Variants in WNK1 observed in about 807,000 individuals in gnomAD.
The protein encoded by WNK1 is serine/threonine-protein kinase WNK1.
Under a neutral mutation model 222.8 loss-of-function variants are expected in WNK1, and 38 were observed. The observed-to-expected ratio is 0.17, with a 90% confidence interval of 0.13 to 0.22. The LOEUF (loss-of-function observed/expected upper bound fraction) is 0.22. WNK1 is among the 10% of genes least tolerant of loss of function. The pLI is 1.00. For missense variants in WNK1, 2,348 were observed against 2,918.4 expected (o/e 0.80, Z 4.50); for synonymous variants, 1,090 against 1,092.9 (o/e 1.00, Z 0.05).
chr12:854,993 C>T lies in WNK1; in HGVS notation c.1312-2168C>T, dbSNP rs187786729. 7.0e-3 allele frequency among the ~76,000 whole-genome samples: 1,068 copies of T among 152,288 alleles called. 9 individuals are homozygous for T. Among genetic ancestry groups the T allele is most frequent in the South Asian group, 0.034 (165 of 4,826 alleles). On this transcript the variant is annotated intron_variant, in intron 4 of 27. Transcript: ENST00000315939. ...TCTTTTGAATTTTCAATATACAGTT[C>T]GTTGAATCCACAGACGTGGAAACCA...
intron 1 of WNK1, among the ~76,000 whole-genome samples, chr12:807,645 C>T (rs186239929): frequency 1.1e-3 from 167 of 151,868 alleles, no homozygotes; most frequent in African/African-American, 3.8e-3. Flanking sequence ...TGTTTCTTCC[C>T]CATTTGCTGC....
Position 894,591 on chromosome 12 carries a change from GCAACTAGTT to G in WNK1, c.5542_5550del (p.Thr1848_Ser1850del), listed in dbSNP as rs544395150. 2.5e-3 allele frequency: 4,034 copies of G among 1,613,868 alleles called. 22 individuals carry two copies. Among genetic ancestry groups the G allele is most frequent in the South Asian group, 9.6e-3 (878 of 91,070 alleles). On this transcript the variant is annotated inframe_deletion, in exon 23 of 28. Coordinates refer to ENST00000315939, the MANE Select transcript of WNK1 (RefSeq NM_018979.4). ...TCAAGTCAAAGAAGGCCCTGTCCTA[GCAACTAGTT>G]CAGGAGCTGGTGTTTTTAAGATGGG...
chr12:901,050 T>A, intron 26 of WNK1: 5 of 340,094 alleles, frequency 1.5e-5, no homozygotes, highest in African/African-American at 2.1e-5. Context: ...TTGTTACTTT[T>A]AAGTATGGGA....
At chr12:766,720 G>A (rs1479623966) in intron 1 of WNK1, among the ~76,000 whole-genome samples, 6 of 151,470 alleles carry the variant, frequency 4.0e-5, no homozygotes, top group East Asian at 1.9e-4. Context: ...CTCATGATCC[G>A]CCTGCCTTGG....
intron 1 of WNK1, among the ~76,000 whole-genome samples, chr12:809,215 T>G (rs367667698): frequency 4.1e-5 from 6 of 147,070 alleles, no homozygotes; most frequent in African/African-American, 1.3e-4. Flanking sequence ...TTTTTTCCTA[T>G]TCTTTTGAGG....
chr12:776,200 A>C (rs1480427523), intron 1 of WNK1, among the ~76,000 whole-genome samples: 1 of 151,520 alleles, frequency 6.6e-6, no homozygotes, highest in Non-Finnish European at 1.5e-5. Context: ...TGCCTGGCTA[A>C]TTTTTAAAAG....
chr12:810,060 A>C (rs1264503843), intron 1 of WNK1, among the ~76,000 whole-genome samples: 1 of 151,954 alleles, frequency 6.6e-6, no homozygotes, highest in Non-Finnish European at 1.5e-5. Context: ...GACCAGCCTG[A>C]CCAACATGGC....
At chr12:761,803 T>C (rs536989401) in intron 1 of WNK1, among the ~76,000 whole-genome samples, 1 of 147,472 alleles carries the variant, frequency 6.8e-6, no homozygotes, top group South Asian at 2.2e-4. Context: ...TTAAGGTAAA[T>C]CGGGAAATGC....
chr12:758,735 C>T (rs967098316), intron 1 of WNK1, among the ~76,000 whole-genome samples: 2 of 146,952 alleles, frequency 1.4e-5, no homozygotes, highest in African/African-American at 2.4e-5. Flanking sequence ...CGTAACTTTC[C>T]GTCTCAGGGA....
rs1953079206 is a variant in WNK1 at position 880,748 on chromosome 12, T to C, written c.2860T>C (p.Tyr954His). ...QGFPPRLPPQ[Y>H]PGDSNIAPSS... ...CTTCCCACCTCGACTGCCACCACAG[T>C]ACCCAGGAGATTCAAATATTGCTCC... Residue 954 changes from tyrosine to histidine, a missense_variant, in exon 12 of 28, where the codon TAC (tyrosine) becomes CAC (histidine). Coordinates refer to ENST00000315939, the MANE Select transcript of WNK1 (RefSeq NM_018979.4). 1.2e-6 allele frequency: 2 copies of C among 1,613,820 alleles called. No homozygotes were observed. Among genetic ancestry groups the C allele is most frequent in the African/African-American group, 2.7e-5 (2 of 74,826 alleles).
chr12:871,722 C>G (rs1952169181), intron 9 of WNK1, among the ~76,000 whole-genome samples: 1 of 152,098 alleles, frequency 6.6e-6, no homozygotes, highest in African/African-American at 2.4e-5. Flanking sequence ...CCTGCCTCAG[C>G]TTTCCACGTA....
intron 1 of WNK1, among the ~76,000 whole-genome samples, chr12:800,743 A>G (rs1272825179): frequency 2.0e-5 from 3 of 152,136 alleles, no homozygotes; most frequent in Admixed American, 2.0e-4. Flanking sequence ...TGGTCAGGGA[A>G]CCCCCAAAAT....
At chr12:836,977 C>T (rs4980970) in intron 4 of WNK1, among the ~76,000 whole-genome samples, 96,990 of 151,928 alleles carry the variant, frequency 0.64, 31,820 homozygotes, top group East Asian at 0.87. Context: ...TATTATATAC[C>T]TACCCATCTA....
chr12:815,875 A>G (rs1412072871), intron 2 of WNK1, among the ~76,000 whole-genome samples: 1 of 152,238 alleles, frequency 6.6e-6, no homozygotes, highest in Non-Finnish European at 1.5e-5. Context: ...AACAAACTGA[A>G]ATGTGGAATA....
At chr12:906,520 C>A in intron 26 of WNK1, 1 of 985,236 alleles carries the variant, frequency 1.0e-6, no homozygotes, top group Non-Finnish European at 1.2e-6. Flanking sequence ...ATCCTTGAGC[C>A]AATTGAAACT....
chr12:788,028 T>G lies in WNK1; in HGVS notation c.760-25614T>G, dbSNP rs542198133. On this transcript the variant is annotated intron_variant, in intron 1 of 27. Transcript: ENST00000315939. The stretch of plus-strand genomic sequence containing the variant: ...TTGAGCTGGCCATTGGGTTGGGAAC[T>G]CTAGCACAGGAGCTGATGCTGCACC... 1.8e-4 allele frequency among the ~76,000 whole-genome samples: 28 copies of G among 152,288 alleles called. No homozygotes were observed. In the South Asian group the frequency reaches 5.6e-3, roughly 30 times the overall value.
At chr12:800,873 G>A (rs1288923869) in intron 1 of WNK1, among the ~76,000 whole-genome samples, 2 of 152,148 alleles carry the variant, frequency 1.3e-5, no homozygotes, top group Admixed American at 6.5e-5. Flanking sequence ...TAAGCATTGG[G>A]TGATCATTTT....
intron 22 of WNK1, among the ~76,000 whole-genome samples, chr12:891,790 T>C (rs1384691087): frequency 2.6e-5 from 4 of 151,868 alleles, no homozygotes; most frequent in African/African-American, 9.7e-5. Flanking sequence ...TTTAGCCAGC[T>C]GTGGTGGTGT....
rs765086783 is a variant in WNK1 at position 897,525 on chromosome 12, A to G, written c.6292A>G (p.Ile2098Val). The G allele has an allele frequency of 2.5e-6, 4 of 1,613,508 alleles. No homozygotes were observed. The highest frequency in any genetic ancestry group is 2.2e-5 in the South Asian group (2 of 91,082). The change falls in exon 25 of 28, where the codon ATT becomes GTT. Residue 2098 changes from isoleucine (I) to valine (V), a missense_variant. Transcript: ENST00000315939. ...QDLQSRQKHEIESLYTKLGKV... is the reference protein window; with the variant it reads ...QDLQSRQKHEVESLYTKLGKV... ...CCTGCAGAGTCGCCAGAAGCATGAAATTGAATCTTTGTATACCAAACTGGG... is the reference window on the plus strand; with the variant it reads ...CCTGCAGAGTCGCCAGAAGCATGAAGTTGAATCTTTGTATACCAAACTGGG...
Sources: allele counts gnomAD v4.1 joint callset (sites outside exome capture counted in the v4.1 genomes callset), GRCh38; gene constraint gnomAD v4.1.1; transcripts MANE v1.5; gene names NCBI Gene and HGNC (gene_info 2026-07-23, HGNC 2026-07-21).